The following UNC79 variants were observed in gnomAD, a reference collection of about 807,000 sequenced individuals.
The protein encoded by UNC79 is unc-79 subunit of NALCN channel complex.
A neutral mutation model predicts 283.1 loss-of-function variants in UNC79; 37 were observed. The observed-to-expected ratio is 0.13, with a 90% CI of 0.10 to 0.17. UNC79 has a LOEUF of 0.17. Ranked by LOEUF, UNC79 falls within the 10% of genes least tolerant of loss-of-function variation. UNC79 has a pLI of 1.00. For synonymous variants in UNC79, 1,107 were observed against 1,200.2 expected (o/e 0.92, Z 1.61); for missense variants, 2,272 against 3,211.1 (o/e 0.71, Z 7.07).
intron 7 of UNC79, among the ~76,000 whole-genome samples, chr14:93,499,190 T>A (rs1489586295): frequency 1.3e-5 from 2 of 152,180 alleles, no homozygotes; most frequent in Non-Finnish European, 2.9e-5. Context: ...TAAGTAAATT[T>A]TTTAAAATGG....
At chr14:93,567,411 G>T (rs918038231) in intron 14 of UNC79, among the ~76,000 whole-genome samples, 1 of 152,104 alleles carries the variant, frequency 6.6e-6, no homozygotes, top group African/African-American at 2.4e-5. Flanking sequence ...ATTTTTAGTA[G>T]TGATGGGGTT....
intron 12 of UNC79, among the ~76,000 whole-genome samples, chr14:93,539,389 C>T (rs1343633870): frequency 6.6e-6 from 1 of 151,192 alleles, no homozygotes; most frequent in Admixed American, 6.6e-5. Flanking sequence ...GGCGTGTTGG[C>T]GCCTGCCTGT....
intron 14 of UNC79, among the ~76,000 whole-genome samples, chr14:93,555,085 G>A (rs1374280108): frequency 2.6e-5 from 4 of 152,130 alleles, no homozygotes; most frequent in Non-Finnish European, 4.4e-5. Flanking sequence ...CATCTAGCAA[G>A]GGCAGTTCCT....
intron 26 of UNC79, among the ~76,000 whole-genome samples, chr14:93,612,287 T>A (rs750790807): frequency 6.6e-6 from 1 of 152,238 alleles, no homozygotes; most frequent in Admixed American, 6.5e-5. Context: ...TGGAAAAGAT[T>A]TGTTTTTTGC....
chr14:93,574,936 C>T (rs775840856), intron 16 of UNC79, 122 bp from the exon 17 acceptor site: 63 of 1,019,448 alleles, frequency 6.2e-5, no homozygotes, highest in Non-Finnish European at 7.9e-5. Flanking sequence ...TGATAGAATA[C>T]GTGTAAGGCT....
intron 14 of UNC79, among the ~76,000 whole-genome samples, chr14:93,543,963 T>C (rs1017128731): frequency 3.3e-5 from 5 of 152,304 alleles, no homozygotes; most frequent in African/African-American, 1.2e-4. Flanking sequence ...CTTTCTTCTT[T>C]GGTGCCACCT....
chr14:93,638,159 A>G (rs1441652067), intron 32 of UNC79, among the ~76,000 whole-genome samples: 1 of 152,228 alleles, frequency 6.6e-6, no homozygotes, highest in Non-Finnish European at 1.5e-5. Context: ...AAAGAATTAT[A>G]ATCCCATCTC....
chr14:93,564,290 A>G lies in UNC79; in HGVS notation c.1756-7604A>G, dbSNP rs1000102198. ...TGTGAGTTTATATAATGGTTTTGTT[A>G]GGATGGCAAAACCAGGTATCCAAAG... On this transcript the variant is annotated intron_variant, in intron 14 of 48. Transcript: ENST00000555664. Among the ~76,000 whole-genome samples, 4 of 152,198 alleles carry G rather than the reference A, an allele frequency of 2.6e-5. No homozygotes were observed. The East Asian group carries it at 7.7e-4, about 29-fold the overall frequency.
intron 1 of UNC79, among the ~76,000 whole-genome samples, chr14:93,407,029 T>C (rs147824786): frequency 2.0e-5 from 3 of 152,314 alleles, no homozygotes; most frequent in Non-Finnish European, 4.4e-5. Context: ...ATTCCTTGGT[T>C]TGTAGCTGCA....
At chr14:93,622,480 C>T in exon 30 of UNC79, 1 of 1,614,144 alleles carries the variant, frequency 6.2e-7, no homozygotes, top group Non-Finnish European at 8.5e-7. Context: ...AACGAGACCT[C>T]CTTCAGAAGT....
chr14:93,502,180 G>A lies in UNC79; in HGVS notation c.898+4894G>A, dbSNP rs185772818. Among the ~76,000 whole-genome samples, 844 of 152,246 alleles carry A rather than the reference G, an allele frequency of 5.5e-3. 4 individuals are homozygous for A. Among genetic ancestry groups the A allele is most frequent in the Admixed American group, 0.012 (182 of 15,282 alleles). On this transcript the variant is annotated intron_variant, in intron 7 of 48. Coordinates refer to ENST00000555664, the Ensembl canonical transcript of UNC79. Reference sequence around the variant, plus strand: ...TGTAATCCCAGCACTTTGGGAGGCCGAGGTGGGTGGATCACCAGGTCAGGA... The same window carrying A: ...TGTAATCCCAGCACTTTGGGAGGCCAAGGTGGGTGGATCACCAGGTCAGGA...
chr14:93,347,122 G>A (rs1388360107), intron 1 of UNC79: 2 of 823,788 alleles, frequency 2.4e-6, no homozygotes, highest in African/African-American at 1.8e-5. Flanking sequence ...CTGGGCAGAA[G>A]GGGTGGGGTA....
intron 1 of UNC79, among the ~76,000 whole-genome samples, chr14:93,365,725 C>A (rs531125204): frequency 1.3e-5 from 2 of 151,296 alleles, no homozygotes; most frequent in Admixed American, 1.3e-4. Flanking sequence ...AGAGAAAAGA[C>A]GAAGGAATTA....
chr14:93,369,233 A>G (rs2054395628), intron 1 of UNC79, among the ~76,000 whole-genome samples: 5 of 152,206 alleles, frequency 3.3e-5, no homozygotes, highest in Admixed American at 3.3e-4. Context: ...CTTGTGTGAA[A>G]TTCTTCGACT....
chr14:93,608,131 A>G (rs573254988), intron 26 of UNC79, among the ~76,000 whole-genome samples: 14 of 152,294 alleles, frequency 9.2e-5, no homozygotes, highest in African/African-American at 3.1e-4. Flanking sequence ...AGTAGCTTGG[A>G]TCAGAGGTGT....
chr14:93,665,687 A>G (rs2072118965), intron 40 of UNC79, among the ~76,000 whole-genome samples: 2 of 151,978 alleles, frequency 1.3e-5, no homozygotes, highest in Admixed American at 6.6e-5. Context: ...ACACTTCTCA[A>G]CAGCACAATA....
chr14:93,657,609 C>T (rs2071093396), intron 38 of UNC79, among the ~76,000 whole-genome samples: 1 of 152,046 alleles, frequency 6.6e-6, no homozygotes, highest in South Asian at 2.1e-4. Flanking sequence ...CCTCGGCCTC[C>T]CAAAGTGCTG....
At chr14:93,569,209 G>T (rs1481969265) in intron 14 of UNC79, among the ~76,000 whole-genome samples, 2 of 152,218 alleles carry the variant, frequency 1.3e-5, no homozygotes, top group Non-Finnish European at 2.9e-5. Flanking sequence ...GCCAAGGCGG[G>T]CAGACTGCCT....
chr14:93,689,083 A>G, intron 44 of UNC79: 1 of 464,716 alleles, frequency 2.2e-6, no homozygotes, highest in Admixed American at 3.8e-5. Context: ...TTCATGAAGA[A>G]TGAAAATTTT....
Sources: gnomAD v4.1 joint callset for allele counts (sites outside exome capture counted in the v4.1 genomes callset) on GRCh38, gnomAD v4.1.1 for gene constraint, MANE v1.5 for transcripts, NCBI Gene and HGNC (gene_info 2026-07-23, HGNC 2026-07-21) for gene names.